CLSTN2: variants seen among roughly 807,000 people sequenced by gnomAD.
CLSTN2 encodes the protein calsyntenin 2.
Under a neutral mutation model 101.2 loss-of-function variants are expected in CLSTN2, and 48 were observed. The observed-to-expected ratio is 0.47, with a 90% CI of 0.38 to 0.60. CLSTN2 has a LOEUF of 0.60. Ranked by LOEUF, CLSTN2 falls within the 20% of genes least tolerant of loss-of-function variation. The pLI is 0.00. For missense variants in CLSTN2, 1,160 were observed against 1,238.2 expected (o/e 0.94, Z 0.95); for synonymous variants, 481 against 463.6 (o/e 1.04, Z -0.48).
chr3:140,462,494 C>T (rs529303398), intron 7 of CLSTN2, among the ~76,000 whole-genome samples: 51 of 152,284 alleles, frequency 3.3e-4, no homozygotes, highest in African/African-American at 1.2e-3. Context: ...GAAGCTTTTG[C>T]TGTAAATTGT....
chr3:140,526,483 T>C (rs1406069325), intron 8 of CLSTN2, among the ~76,000 whole-genome samples: 1 of 151,870 alleles, frequency 6.6e-6, no homozygotes, highest in Non-Finnish European at 1.5e-5. Context: ...AAAATGGCCA[T>C]ACTGCCCAAA....
At chr3:140,045,965 G>A (rs182003221) in intron 1 of CLSTN2, among the ~76,000 whole-genome samples, 109 of 152,322 alleles carry the variant, frequency 7.2e-4, no homozygotes, top group African/African-American at 2.4e-3. Context: ...GAATAAGTGC[G>A]ATGTGGTGCT....
At chr3:140,509,114 T>C (rs771713928) in intron 8 of CLSTN2, among the ~76,000 whole-genome samples, 3 of 152,156 alleles carry the variant, frequency 2.0e-5, no homozygotes, top group Non-Finnish European at 4.4e-5. Context: ...TCCCCAATGC[T>C]TGGGAAGTAC....
intron 2 of CLSTN2, among the ~76,000 whole-genome samples, chr3:140,373,574 T>C (rs2087882911): frequency 6.6e-6 from 1 of 152,200 alleles, no homozygotes; most frequent in Non-Finnish European, 1.5e-5. Context: ...GCTGTGGGGC[T>C]GCCCATCCAG....
chr3:140,032,725 G>T (rs542120532), intron 1 of CLSTN2, among the ~76,000 whole-genome samples: 2 of 152,344 alleles, frequency 1.3e-5, no homozygotes, highest in Admixed American at 1.3e-4. Context: ...TCAGGCATGG[G>T]GTAGGATCTA....
At chr3:140,553,373 C>G (rs1935742009) in intron 10 of CLSTN2, among the ~76,000 whole-genome samples, 1 of 152,018 alleles carries the variant, frequency 6.6e-6, no homozygotes, top group African/African-American at 2.4e-5. Context: ...TATTAATTTC[C>G]CCATTATTTA....
intron 1 of CLSTN2, among the ~76,000 whole-genome samples, chr3:140,144,245 T>C (rs2009747848): frequency 6.6e-6 from 1 of 152,192 alleles, no homozygotes; most frequent in Non-Finnish European, 1.5e-5. Context: ...TAAATGGACC[T>C]CCAAATGAGG....
intron 1 of CLSTN2, among the ~76,000 whole-genome samples, chr3:139,966,257 A>T (rs1281770139): frequency 1.3e-5 from 2 of 151,978 alleles, no homozygotes; most frequent in Non-Finnish European, 2.9e-5. Context: ...TCATCCTCAA[A>T]CCCAGTTTTC....
chr3:140,258,604 G>T (rs1278258815), intron 2 of CLSTN2, among the ~76,000 whole-genome samples: 1 of 152,158 alleles, frequency 6.6e-6, no homozygotes, highest in African/African-American at 2.4e-5. Flanking sequence ...AAAGCTGAAG[G>T]AAGGATAAAT....
At chr3:140,457,880 A>G (rs1933444107) in intron 6 of CLSTN2, among the ~76,000 whole-genome samples, 2 of 152,360 alleles carry the variant, frequency 1.3e-5, no homozygotes, top group East Asian at 1.9e-4. Context: ...AAACTACAGC[A>G]TGAGCATGAA....
intron 9 of CLSTN2, among the ~76,000 whole-genome samples, chr3:140,535,098 T>C (rs1935332868): frequency 1.3e-5 from 2 of 152,224 alleles, no homozygotes; most frequent in Non-Finnish European, 2.9e-5. Context: ...GCAACCACCA[T>C]GCCCTCCCCA....
rs1553753999 is a variant in CLSTN2 at position 140,558,661 on chromosome 3, C to T, written c.1845C>T (p.Cys615=). 5 of 1,613,834 alleles carry T rather than the reference C, an allele frequency of 3.1e-6. No homozygotes were observed. The South Asian group carries it at 5.5e-5, about 18-fold the overall frequency. Residue 615 remains cysteine, a synonymous_variant, in exon 12 of 17, where the codon TGC becomes TGT. Coordinates refer to ENST00000458420, the MANE Select transcript of CLSTN2 (RefSeq NM_022131.3). ...SKVQCFGEDV[C]ISIPEVDAYV... Reference sequence around the variant, plus strand: ...CCAGGTGCTTTGGGGAAGACGTATGCATCAGTATCCCTGAGGTAGATGCCT... The same window carrying T: ...CCAGGTGCTTTGGGGAAGACGTATGTATCAGTATCCCTGAGGTAGATGCCT...
At chr3:140,545,166 C>T (rs74876817) in intron 9 of CLSTN2, among the ~76,000 whole-genome samples, 3,745 of 152,228 alleles carry the variant, frequency 0.025, 71 homozygotes, top group Non-Finnish European at 0.036. Flanking sequence ...AGCCCACCCC[C>T]AAGCTGAGGT....
At chr3:140,483,211 A>G (rs1934162767) in intron 8 of CLSTN2, among the ~76,000 whole-genome samples, 1 of 152,162 alleles carries the variant, frequency 6.6e-6, no homozygotes, top group African/African-American at 2.4e-5. Flanking sequence ...CCCAGTAGTC[A>G]TTCAGGAGCA....
intron 11 of CLSTN2, among the ~76,000 whole-genome samples, chr3:140,557,556 G>A (rs1000813849): frequency 6.6e-6 from 1 of 152,144 alleles, no homozygotes; most frequent in African/African-American, 2.4e-5. Context: ...AAGAAAGGTC[G>A]GGAGTGCTGT....
intron 1 of CLSTN2, among the ~76,000 whole-genome samples, chr3:140,149,409 G>A (rs947051806): frequency 6.6e-6 from 1 of 152,142 alleles, no homozygotes; most frequent in African/African-American, 2.4e-5. Context: ...CCCATGAGTA[G>A]AGTTGCCAGA....
intron 1 of CLSTN2, among the ~76,000 whole-genome samples, chr3:140,077,115 A>T (rs1434660864): frequency 6.6e-6 from 1 of 152,230 alleles, no homozygotes; most frequent in Non-Finnish European, 1.5e-5. Flanking sequence ...AAGCATGTAG[A>T]AGTTATTAGA....
intron 9 of CLSTN2, among the ~76,000 whole-genome samples, chr3:140,545,535 C>G (rs1017420699): frequency 1.3e-5 from 2 of 152,214 alleles, no homozygotes; most frequent in African/African-American, 4.8e-5. Flanking sequence ...ATGCGTTGTT[C>G]TTCTTCTCTG....
intron 2 of CLSTN2, among the ~76,000 whole-genome samples, chr3:140,341,802 C>A (rs1238037640): frequency 6.6e-6 from 1 of 152,188 alleles, no homozygotes; most frequent in Non-Finnish European, 1.5e-5. Flanking sequence ...CCACATGCAG[C>A]AGGCACTGTC....
Sources: gnomAD v4.1 joint callset for allele counts (sites outside exome capture counted in the v4.1 genomes callset) on GRCh38, gnomAD v4.1.1 for gene constraint, MANE v1.5 for transcripts, NCBI Gene and HGNC (gene_info 2026-07-23, HGNC 2026-07-21) for gene names.